TTC21B: variants seen among roughly 807,000 people sequenced by gnomAD.
TTC21B encodes the protein tetratricopeptide repeat domain 21B.
Under a neutral mutation model 175.1 loss-of-function variants are expected in TTC21B, and 127 were observed. The ratio of observed to expected loss-of-function variants is 0.73; its 90% confidence interval spans 0.63 to 0.84. The LOEUF is 0.84. TTC21B is among the 40% of genes least tolerant of loss of function. The pLI is 0.00. For missense variants in TTC21B, 1,561 were observed against 1,558.3 expected (o/e 1.00, Z -0.03); for synonymous variants, 524 against 524.5 (o/e 1.00, Z 0.01).
chr2:165,919,797 T>C (rs1686320351), intron 12 of TTC21B, among the ~76,000 whole-genome samples: 1 of 152,190 alleles, frequency 6.6e-6, no homozygotes, highest in South Asian at 2.1e-4. Context: ...ACAAAAACAT[T>C]TGAATAGCTA....
intron 25 of TTC21B, 59 bp from the exon 26 acceptor site, chr2:165,884,077 T>C: frequency 7.4e-7 from 1 of 1,353,622 alleles, no homozygotes; most frequent in South Asian, 1.2e-5. Flanking sequence ...CCCAAAAACA[T>C]ACAGAAAGCA....
At chr2:165,897,966 A>G (rs1392721644) in intron 22 of TTC21B, among the ~76,000 whole-genome samples, 11 of 152,220 alleles carry the variant, frequency 7.2e-5, no homozygotes, top group Non-Finnish European at 1.2e-4. Context: ...GTCACCGACC[A>G]CATTGCAGAA....
chr2:165,935,257 T>C (rs1165854874), intron 6 of TTC21B, among the ~76,000 whole-genome samples: 4 of 152,176 alleles, frequency 2.6e-5, no homozygotes, highest in Non-Finnish European at 1.5e-5. Context: ...TAGATCTGTT[T>C]TTGTAGCAGC....
chr2:165,891,045 G>C (rs1020412151), intron 22 of TTC21B, 57 bp from the exon 23 acceptor site: 1 of 1,412,050 alleles, frequency 7.1e-7, no homozygotes, highest in Non-Finnish European at 1.0e-6. Context: ...TCTTTTGTTG[G>C]TTATAATTCT....
rs1176766633 is a variant in TTC21B, at chr2:165,880,738, T to A, written c.3746A>T (p.Asp1249Val). The change falls in exon 27 of 29, where the codon GAT (aspartate) becomes GTT (valine). Residue 1249 changes from aspartate to valine, a missense_variant. Asp to Val is a radical substitution (Grantham distance 152, BLOSUM62 -3). Transcript: ENST00000243344. Reference protein sequence around the residue: ...YIMEKEQAYTDAALNYEMAWK... With the variant: ...YIMEKEQAYTVAALNYEMAWK... ...TGCCATCTCATAGTTCAAGGCAGCA[T>A]CTGTATATGCTTGCTCTTTTTCCAT... 1 of 1,613,534 alleles carries A rather than the reference T, an allele frequency of 6.2e-7. No individual in the cohort carries two copies. Among genetic ancestry groups the A allele is most frequent in the Non-Finnish European group, 8.5e-7 (1 of 1,179,788 alleles).
chr2:165,932,946 A>G (rs1363217146), intron 7 of TTC21B, 27 bp downstream of exon 7: 2 of 1,579,234 alleles, frequency 1.3e-6, no homozygotes, highest in Non-Finnish European at 8.7e-7. Flanking sequence ...TTAATATAGG[A>G]AACTTAAATA....
intron 18 of TTC21B, among the ~76,000 whole-genome samples, chr2:165,910,790 A>G (rs1015930030): frequency 1.5e-4 from 21 of 141,764 alleles, no homozygotes; most frequent in African/African-American, 4.5e-4. Context: ...ACATCAAACT[A>G]TCTGGGACAC....
At position 165,911,945 on chromosome 2, in the gene TTC21B, G is replaced by A. The variant is rs565644715; in HGVS notation, c.2323-480C>T. 9.9e-5 allele frequency among the ~76,000 whole-genome samples: 15 copies of A among 152,164 alleles called. No homozygotes were observed. In the South Asian group the frequency reaches 2.5e-3, roughly 25 times the overall value. On this transcript the variant is annotated intron_variant, in intron 17 of 28. Transcript: ENST00000243344. The stretch of plus-strand genomic sequence containing the variant: ...CTCCCAAAGTGTTAGGATTACAGGC[G>A]TGAGCCACCACACCTGGCCAACAAC...
rs552515077 is a variant in TTC21B at position 165,924,471 on chromosome 2, C to T, written c.1516+78G>A. On this transcript the variant is annotated intron_variant, in intron 12 of 28. Transcript: ENST00000243344. ...TTTATGTGACTATTCTCTATATATA[C>T]ACAGTGCTTAATTTATTTACGCTTG... 64 of 1,397,772 alleles carry T rather than the reference C, an allele frequency of 4.6e-5. No homozygotes were observed. In the East Asian group the frequency reaches 1.5e-3, roughly 33 times the overall value. The allele number at this position is 1,397,772 out of a possible 1,614,324, so 86.6% of individuals were successfully genotyped here. A position where few individuals can be genotyped will look rare whatever the true frequency, so the allele number is the denominator to read the frequency against.
In TTC21B at chr2:165,915,325, G is replaced by A. The variant is rs140757802; in HGVS notation, c.2014C>T (p.Arg672Trp). The change falls in exon 15 of 29, where the codon CGG (arginine) becomes TGG (tryptophan). Residue 672 changes from arginine to tryptophan, a missense_variant. Transcript: ENST00000243344. ...ACATTCTGAAGGATGCTTAAAGCCC[G>A]TTCAATATCTCCTTGGGCTAGAGCA... ...DLALAQGDIE[R>W]ALSILQNVTA... 167 of 1,614,040 alleles carry A rather than the reference G, an allele frequency of 1.0e-4. No individual in the cohort carries two copies. In the African/African-American group the frequency reaches 1.3e-3, roughly 13 times the overall value.
At chr2:165,900,175 T>C (rs1392495068) in intron 20 of TTC21B, among the ~76,000 whole-genome samples, 9 of 152,064 alleles carry the variant, frequency 5.9e-5, no homozygotes, top group Non-Finnish European at 1.2e-4. Flanking sequence ...TATAGTCCCA[T>C]AACGGGGCCA....
At chr2:165,895,249 T>C (rs1685324538) in intron 22 of TTC21B, among the ~76,000 whole-genome samples, 1 of 152,260 alleles carries the variant, frequency 6.6e-6, no homozygotes, top group African/African-American at 2.4e-5. Context: ...AAGATCCTTA[T>C]ATTGCATTTA....
intron 12 of TTC21B, 55 bp downstream of exon 12, chr2:165,924,494 T>A (rs1686547248): frequency 6.4e-7 from 1 of 1,557,684 alleles, no homozygotes; most frequent in African/African-American, 1.4e-5. Context: ...TTATTTACGC[T>A]TGTTTTTATC....
rs139471952 is a variant in TTC21B at position 165,899,903 on chromosome 2, C to T, written c.2758-23G>A. 55 of 1,340,988 alleles carry T rather than the reference C, an allele frequency of 4.1e-5. No homozygotes were observed. In the African/African-American group the frequency reaches 6.4e-4, roughly 16 times the overall value. The allele number at this position is 1,340,988 out of a possible 1,614,324, so 83.1% of individuals were successfully genotyped here. On this transcript the variant is annotated intron_variant, in intron 20 of 28. Transcript: ENST00000243344. ...AATCTGTAGAGCAAAGGGCTAGATT[C>T]ATCAGACACTGTATAGAATAAAAAG...
chr2:165,943,460 T>C, intron 4 of TTC21B, 119 bp from the exon 5 acceptor site: 1 of 798,296 alleles, frequency 1.3e-6, no homozygotes, highest in East Asian at 2.7e-5. Flanking sequence ...TCAAATATGT[T>C]ATGAACAATA....
chr2:165,943,228 C>G lies in TTC21B; in HGVS notation c.543G>C (p.Leu181=). The G allele has an allele frequency of 1.9e-6, 3 of 1,613,600 alleles. No homozygotes were observed. Among genetic ancestry groups the G allele is most frequent in the Non-Finnish European group, 2.5e-6 (3 of 1,179,614 alleles). ...CCTAACTCCAACTCACCTTACCCAG[C>G]AGAGCAAAAGTATCATTCCCATCTT... ...GLQDGNDTFA[L]LGKAQCLEMR... is the part of the protein sequence containing the mutation. The change falls in exon 5 of 29, where the codon CTG becomes CTC. Residue 181 remains leucine (L), a synonymous_variant. Transcript: ENST00000243344.
chr2:165,928,812 T>C (rs768136680), intron 11 of TTC21B: 6 of 318,050 alleles, frequency 1.9e-5, no homozygotes, highest in Non-Finnish European at 3.0e-5. Context: ...TGTCCAGACA[T>C]GGGATAGACA....
chr2:165,893,685 G>A (rs1201524975), intron 22 of TTC21B, among the ~76,000 whole-genome samples: 1 of 152,058 alleles, frequency 6.6e-6, no homozygotes, highest in African/African-American at 2.4e-5. Flanking sequence ...GCTATGGTAT[G>A]GTATTACAAA....
At chr2:165,920,745 CTAAATATTTAAAATATTTTGAAATATTT>C (rs11270678) in intron 12 of TTC21B, among the ~76,000 whole-genome samples, 1,511 of 135,980 alleles carry the variant, frequency 0.011, 21 homozygotes, top group African/African-American at 0.039. Context: ...GGGTAGGATA[CTAAATATTTAAAATATTTTGAAATATTT>C]TAAATATTTA....
Sources: allele counts gnomAD v4.1 joint callset (sites outside exome capture counted in the v4.1 genomes callset), GRCh38; gene constraint gnomAD v4.1.1; transcripts MANE v1.5; gene names NCBI Gene and HGNC (gene_info 2026-07-23, HGNC 2026-07-21).